Variants in ESR1 observed in about 807,000 individuals in gnomAD.
The protein encoded by ESR1 is estrogen receptor.
In ESR1, 12 loss-of-function variants were observed where a neutral mutation model predicts 52.7. The ratio of observed to expected loss-of-function variants is 0.23; its 90% CI spans 0.15 to 0.37. ESR1 has a LOEUF of 0.37. ESR1 is among the 10% of genes least tolerant of loss of function. The pLI, the probability that ESR1 is intolerant of heterozygous loss-of-function variation, is 1.00. For synonymous variants in ESR1, 305 were observed against 316.8 expected (o/e 0.96, Z 0.39); for missense variants, 584 against 779.7 (o/e 0.75, Z 2.99).
intron 3 of ESR1, among the ~76,000 whole-genome samples, chr6:151,887,020 G>A (rs1793964687): frequency 6.8e-6 from 1 of 146,312 alleles, no homozygotes; most frequent in African/African-American, 2.6e-5. Flanking sequence ...CAGCCTGGGT[G>A]ACGGAATGAG....
chr6:152,103,471 T>C (rs1248399618), downstream of ESR1, among the ~76,000 whole-genome samples: 1 of 152,200 alleles, frequency 6.6e-6, no homozygotes, highest in Non-Finnish European at 1.5e-5. Flanking sequence ...AGAACTGGCC[T>C]CAATTCTTGG....
At chr6:151,932,459 T>G (rs2033783518) in intron 3 of ESR1, among the ~76,000 whole-genome samples, 1 of 131,098 alleles carries the variant, frequency 7.6e-6, no homozygotes, top group African/African-American at 3.0e-5. Flanking sequence ...TTAGTTTAAT[T>G]AGATCCCATT....
At chr6:152,039,379 A>G (rs967143622) in intron 5 of ESR1, among the ~76,000 whole-genome samples, 7 of 152,090 alleles carry the variant, frequency 4.6e-5, no homozygotes, top group African/African-American at 1.2e-4. Context: ...TAGTAGACTG[A>G]GTTCATCTTG....
intron 5 of ESR1, among the ~76,000 whole-genome samples, chr6:152,028,210 A>G (rs2044327831): frequency 6.6e-6 from 1 of 152,208 alleles, no homozygotes; most frequent in South Asian, 2.1e-4. Flanking sequence ...TGCAGCTCCC[A>G]GCATGAGTGA....
At chr6:151,813,975 C>T (rs934303578) in intron 1 of ESR1, among the ~76,000 whole-genome samples, 2 of 152,290 alleles carry the variant, frequency 1.3e-5, no homozygotes, top group Non-Finnish European at 2.9e-5. Context: ...TTCAGATTCT[C>T]ATCTCCTTCT....
At chr6:151,927,326 G>T (rs1204714174) in intron 3 of ESR1, among the ~76,000 whole-genome samples, 1 of 152,100 alleles carries the variant, frequency 6.6e-6, no homozygotes, top group Non-Finnish European at 1.5e-5. Context: ...ATCTTTATCT[G>T]ATTTGGGTAT....
intron 2 of ESR1, among the ~76,000 whole-genome samples, chr6:151,853,971 C>A (rs9340817): frequency 0.068 from 10,419 of 152,184 alleles, 770 homozygotes; most frequent in East Asian, 0.24. Context: ...GGCATCAACT[C>A]GTCCTCAAAA....
intron 6 of ESR1, among the ~76,000 whole-genome samples, chr6:152,111,951 T>C (rs960764797): frequency 1.2e-4 from 19 of 152,254 alleles, no homozygotes; most frequent in African/African-American, 4.6e-4. Flanking sequence ...TTTGAATTTA[T>C]TACTAAATAT....
Position 151,883,292 on chromosome 6 carries a change from G to T in ESR1, c.760+2521G>T, listed in dbSNP as rs1583928425. 4.6e-5 allele frequency among the ~76,000 whole-genome samples: 3 copies of T among 64,978 alleles called. No homozygotes were observed. In the East Asian group the frequency reaches 7.2e-4, roughly 16 times the overall value. 42.6% of individuals were successfully genotyped at this position (64,978 alleles called of 152,430 possible). On this transcript the variant is annotated intron_variant, in intron 3 of 7. Coordinates refer to ENST00000206249, the MANE Select transcript of ESR1 (RefSeq NM_000125.4). The stretch of plus-strand genomic sequence containing the variant: ...GTGCCACCATACCCAGCTAATTTTT[G>T]TGTTTTTTTTTTTTGTAGAGACGGA...
chr6:152,112,932 A>C (rs144706962), intron 6 of ESR1: 1 of 152,410 alleles, frequency 6.6e-6, no homozygotes, highest in Non-Finnish European at 1.5e-5. Context: ...GAAAGAGAGA[A>C]TTCTTCATGG....
At chr6:152,045,096 T>G (rs2046121202) in intron 5 of ESR1, among the ~76,000 whole-genome samples, 1 of 152,140 alleles carries the variant, frequency 6.6e-6, no homozygotes, top group African/African-American at 2.4e-5. Context: ...TGTCTGTGGG[T>G]GCATGTTAAC....
intron 2 of ESR1, among the ~76,000 whole-genome samples, chr6:151,783,036 A>G (rs1786697784): frequency 6.6e-6 from 1 of 152,244 alleles, no homozygotes; most frequent in African/African-American, 2.4e-5. Context: ...AAATATTTAA[A>G]CGTATGGTAT....
At chr6:151,713,489 G>T (rs13216081) in intron 2 of ESR1, among the ~76,000 whole-genome samples, 1 of 151,952 alleles carries the variant, frequency 6.6e-6, no homozygotes, top group South Asian at 2.1e-4. Context: ...TGGTTGGTAG[G>T]CTATTAATTC....
At chr6:152,064,032 G>A (rs1340415259) in intron 6 of ESR1, among the ~76,000 whole-genome samples, 1 of 152,200 alleles carries the variant, frequency 6.6e-6, no homozygotes, top group Non-Finnish European at 1.5e-5. Context: ...CTGCTTGGGA[G>A]TGGGAGATAT....
intron 2 of ESR1, among the ~76,000 whole-genome samples, chr6:151,784,025 A>G (rs1322112927): frequency 6.6e-6 from 1 of 152,226 alleles, no homozygotes; most frequent in Non-Finnish European, 1.5e-5. Context: ...CATATCAAGC[A>G]TATATTCTAA....
chr6:151,690,675 C>T (rs768474775), intron 1 of ESR1: 14 of 152,118 alleles, frequency 9.2e-5, no homozygotes, highest in Admixed American at 1.3e-4. Context: ...GTAGGTACTC[C>T]TATTTCTTCT....
intron 3 of ESR1, among the ~76,000 whole-genome samples, chr6:151,933,061 C>T (rs1046004472): frequency 0.011 from 1,703 of 152,020 alleles, 14 homozygotes; most frequent in Middle Eastern, 0.02. Flanking sequence ...GCCATTTTCA[C>T]GATATTGATT....
intron 6 of ESR1, among the ~76,000 whole-genome samples, chr6:152,123,794 G>C (rs923083574): frequency 5.9e-5 from 9 of 152,178 alleles, no homozygotes; most frequent in Admixed American, 2.0e-4. Flanking sequence ...TTGTATGTGA[G>C]GCTACTGAAA....
chr6:152,010,453 G>GA (rs1473729416), intron 4 of ESR1, among the ~76,000 whole-genome samples: 1 of 152,060 alleles, frequency 6.6e-6, no homozygotes, highest in Non-Finnish European at 1.5e-5. Context: ...GGATAAGAGG[G>GA]AAGGAAAGGT....
Sources: gnomAD v4.1 joint callset for allele counts (sites outside exome capture counted in the v4.1 genomes callset) on GRCh38, gnomAD v4.1.1 for gene constraint, MANE v1.5 for transcripts, NCBI Gene and HGNC (gene_info 2026-07-23, HGNC 2026-07-21) for gene names.